Variants in PTPRK observed in about 807,000 individuals in gnomAD.
PTPRK encodes the protein receptor-type tyrosine-protein phosphatase kappa.
In PTPRK, 75 loss-of-function variants were observed where a neutral mutation model predicts 178.0. The observed-to-expected ratio is 0.42, with a 90% CI of 0.35 to 0.51. The LOEUF is 0.51. PTPRK is among the 20% of genes least tolerant of loss of function. PTPRK has a pLI of 0.02. For synonymous variants in PTPRK, 637 were observed against 620.6 expected, an observed-to-expected ratio of 1.03 and a Z score of -0.39; for missense variants, 1,441 against 1,797.8, an observed-to-expected ratio of 0.80 and a Z score of 3.59.
At chr6:128,021,665 T>C in intron 13 of PTPRK, among the ~76,000 whole-genome samples, 1 of 152,120 alleles carries the variant, frequency 6.6e-6, no homozygotes, top group Non-Finnish European at 1.5e-5. Flanking sequence ...AAGTTTCATC[T>C]CTTCCACAAA....
intron 2 of PTPRK, among the ~76,000 whole-genome samples, chr6:128,393,688 T>C (rs1293355662): frequency 1.3e-5 from 2 of 152,178 alleles, no homozygotes; most frequent in Non-Finnish European, 2.9e-5. Flanking sequence ...ATTTATTTAG[T>C]AGGGAGGAGA....
intron 2 of PTPRK, among the ~76,000 whole-genome samples, chr6:128,388,766 A>T (rs553632881): frequency 5.9e-5 from 9 of 152,308 alleles, no homozygotes; most frequent in African/African-American, 2.2e-4. Context: ...ATTTTGGGAG[A>T]ATTAAGTGAA....
chr6:127,988,623 A>G (rs13200150), intron 21 of PTPRK, among the ~76,000 whole-genome samples: 36,349 of 151,880 alleles, frequency 0.24, 5,488 homozygotes, highest in Non-Finnish European at 0.32. Context: ...TCCGTGTCCT[A>G]GACTAAAAGT....
At chr6:128,316,138 C>G (rs1827963585) in intron 3 of PTPRK, among the ~76,000 whole-genome samples, 3 of 152,146 alleles carry the variant, frequency 2.0e-5, no homozygotes, top group African/African-American at 7.2e-5. Context: ...TCTGCCTGAT[C>G]AATGTACGCT....
chr6:128,506,812 C>A (rs764256535), intron 1 of PTPRK, among the ~76,000 whole-genome samples: 4 of 151,804 alleles, frequency 2.6e-5, no homozygotes, highest in Non-Finnish European at 5.9e-5. Flanking sequence ...AGCTGATTTA[C>A]TTCAGGCATC....
chr6:127,995,116 A>C lies in PTPRK; in HGVS notation c.2844+346T>G. 9 of 875,438 alleles carry C rather than the reference A, an allele frequency of 1.0e-5. No homozygotes were observed. In the South Asian group the frequency reaches 1.5e-4, roughly 14 times the overall value. The allele number at this position is 875,438 out of a possible 1,614,324, so 54.2% of individuals were successfully genotyped here. On this transcript the variant is annotated intron_variant, in intron 18 of 29. Transcript: ENST00000368226. ...GAAAGAATTACAAAAAAACGAACAG[A>C]GATATATTGTATGAAGCTAATTAGG...
chr6:128,372,356 A>AT (rs1188126941), intron 2 of PTPRK, among the ~76,000 whole-genome samples: 1 of 152,174 alleles, frequency 6.6e-6, no homozygotes, highest in Non-Finnish European at 1.5e-5. Flanking sequence ...AAAGGAAATG[A>AT]TTTTTTTAAC....
intron 7 of PTPRK, among the ~76,000 whole-genome samples, chr6:128,125,693 C>A (rs1793250373): frequency 6.7e-6 from 1 of 149,528 alleles, no homozygotes; most frequent in Admixed American, 6.7e-5. Flanking sequence ...CACTGCAACC[C>A]CCGCCTCCCA....
intron 3 of PTPRK, among the ~76,000 whole-genome samples, chr6:128,279,212 T>TAAA (rs58937614): frequency 2.1e-5 from 3 of 145,452 alleles, no homozygotes; most frequent in African/African-American, 5.1e-5. Context: ...GAGGTTAAAT[T>TAAA]AAAAAAAAAA....
intron 13 of PTPRK, among the ~76,000 whole-genome samples, chr6:128,020,149 A>C (rs1773272109): frequency 6.6e-6 from 1 of 152,178 alleles, no homozygotes; most frequent in African/African-American, 2.4e-5. Context: ...TGCCAAAGGT[A>C]AAGGAAGGAA....
chr6:128,284,477 T>C (rs376873197), intron 3 of PTPRK, among the ~76,000 whole-genome samples: 2 of 152,204 alleles, frequency 1.3e-5, no homozygotes, highest in East Asian at 1.9e-4. Context: ...TTCTCTCTTC[T>C]ACAACTCGAT....
At chr6:128,124,977 C>G (rs1401473929) in intron 7 of PTPRK, among the ~76,000 whole-genome samples, 3 of 152,230 alleles carry the variant, frequency 2.0e-5, no homozygotes, top group Admixed American at 6.5e-5. Flanking sequence ...CTACCATTGA[C>G]TCTCCTGTTC....
chr6:128,044,105 T>C (rs536337025), intron 13 of PTPRK, among the ~76,000 whole-genome samples: 3 of 152,120 alleles, frequency 2.0e-5, no homozygotes, highest in African/African-American at 7.2e-5. Context: ...TCAATCCTCA[T>C]CCTATCTGGG....
At chr6:128,276,310 A>C (rs1012368565) in intron 3 of PTPRK, among the ~76,000 whole-genome samples, 1 of 152,110 alleles carries the variant, frequency 6.6e-6, no homozygotes, top group South Asian at 2.1e-4. Context: ...ACAGAACAGA[A>C]GTTCAAAGAA....
chr6:128,044,839 G>A (rs1562486820), intron 13 of PTPRK, among the ~76,000 whole-genome samples: 3 of 151,628 alleles, frequency 2.0e-5, no homozygotes, highest in African/African-American at 4.8e-5. Flanking sequence ...ATGTGTGTGT[G>A]TATATATATA....
chr6:128,303,655 T>C (rs578089221), intron 3 of PTPRK, among the ~76,000 whole-genome samples: 2 of 152,216 alleles, frequency 1.3e-5, no homozygotes, highest in Non-Finnish European at 2.9e-5. Context: ...CTTAAAATAA[T>C]ATCTGCTGTA....
At chr6:128,069,925 T>G (rs1326744760) in intron 11 of PTPRK, among the ~76,000 whole-genome samples, 1 of 152,076 alleles carries the variant, frequency 6.6e-6, no homozygotes, top group Non-Finnish European at 1.5e-5. Context: ...GAGCCTTAAG[T>G]ATGGTCCCAT....
At position 127,969,844 on chromosome 6, in the gene PTPRK, C is replaced by T. The variant is rs1773720748; in HGVS notation, c.*383G>A. ...TCTTCTTCCTTTTAAGATTCATCAG[C>T]TTTCATTTTAGAAAGGGAGAAAAAT... On this transcript the variant is annotated 3_prime_UTR_variant, in exon 30 of 30. Coordinates refer to ENST00000368226, the MANE Select transcript of PTPRK (RefSeq NM_002844.4). 1 of 157,118 alleles carries T rather than the reference C, an allele frequency of 6.4e-6. No individual in the cohort carries two copies. The highest frequency in any genetic ancestry group is 2.4e-5 in the African/African-American group (1 of 41,602). The allele number at this position is 157,118 out of a possible 1,614,324, so 9.7% of individuals were successfully genotyped here. A position where few individuals can be genotyped will look rare whatever the true frequency, so the allele number is the denominator to read the frequency against.
chr6:128,066,942 C>T lies in PTPRK; in HGVS notation c.2157+577G>A, dbSNP rs568717864. ...GAGGGGCAACCAGGGAAACAGAGAG[C>T]AGCCTTCTGTAATGGCTCAGCAGCC... On this transcript the variant is annotated intron_variant, in intron 12 of 29. Coordinates refer to ENST00000368226, the MANE Select transcript of PTPRK (RefSeq NM_002844.4). 6.6e-5 allele frequency among the ~76,000 whole-genome samples: 10 copies of T among 152,272 alleles called. No individual in the cohort carries two copies. The South Asian group carries it at 2.1e-3, about 32-fold the overall frequency.
Sources: gnomAD v4.1 joint callset for allele counts (sites outside exome capture counted in the v4.1 genomes callset) on GRCh38, gnomAD v4.1.1 for gene constraint, MANE v1.5 for transcripts, NCBI Gene and HGNC (gene_info 2026-07-23, HGNC 2026-07-21) for gene names.